Variants in SYT1 observed in about 807,000 individuals in gnomAD.
SYT1 encodes the protein synaptotagmin 1.
A neutral mutation model predicts 44.8 loss-of-function variants in SYT1; 8 were observed. That is an observed-to-expected ratio of 0.18 (90% CI 0.10 to 0.32). The LOEUF (loss-of-function observed/expected upper bound fraction) is 0.32, where lower values mean the gene tolerates loss of function less well. Among genes scored for constraint, SYT1 ranks in the 10% least tolerant of loss-of-function variants. The pLI is 1.00. For synonymous variants in SYT1, 154 were observed against 188.8 expected (o/e 0.82, Z 1.51); for missense variants, 286 against 509.3 (o/e 0.56, Z 4.22).
chr12:78,903,341 A>AG (rs1294619934), intron 1 of SYT1, among the ~76,000 whole-genome samples: 2 of 151,900 alleles, frequency 1.3e-5, no homozygotes, highest in African/African-American at 4.8e-5. Context: ...GCTGGAGCAC[A>AG]GTGGCACGAT....
intron 3 of SYT1, among the ~76,000 whole-genome samples, chr12:79,115,813 T>C (rs889079347): frequency 6.6e-6 from 1 of 152,208 alleles, no homozygotes; most frequent in Non-Finnish European, 1.5e-5. Context: ...CAGCATGCCA[T>C]CCAGGCTCCA....
At chr12:78,904,717 C>T (rs143208048) in intron 1 of SYT1, among the ~76,000 whole-genome samples, 115 of 152,118 alleles carry the variant, frequency 7.6e-4, no homozygotes, top group African/African-American at 2.5e-3. Context: ...ATTATATGAG[C>T]CATAGTCTAT....
intron 3 of SYT1, among the ~76,000 whole-genome samples, chr12:79,086,323 T>G (rs1009348163): frequency 5.9e-5 from 9 of 152,074 alleles, no homozygotes; most frequent in Non-Finnish European, 1.3e-4. Context: ...TTTTTCCTAC[T>G]TTCCTGTCAA....
At chr12:78,965,338 G>A (rs1160087349) in intron 1 of SYT1, among the ~76,000 whole-genome samples, 1 of 152,104 alleles carries the variant, frequency 6.6e-6, no homozygotes, top group Non-Finnish European at 1.5e-5. Context: ...GCTACTATGA[G>A]CATAGAACAA....
chr12:79,285,795 T>C lies in SYT1; in HGVS notation c.175T>C (p.Trp59Arg), dbSNP rs1879281238. The change falls in exon 5 of 11, where the codon TGG (tryptophan) becomes CGG (arginine). Residue 59 changes from tryptophan to arginine, a missense_variant. Trp to Arg is a moderately radical substitution (Grantham distance 101). Coordinates refer to ENST00000261205, the MANE Select transcript of SYT1 (RefSeq NM_005639.3). ...CTGTGTGTTTCTTTCAGTGCCACCG[T>C]GGGCCTTAATTGCAATAGCCATAGT... ...NELHKIPLPP[W>R]ALIAIAIVAV... 1 of 1,604,992 alleles carries C rather than the reference T, an allele frequency of 6.2e-7. No individual in the cohort carries two copies. Among genetic ancestry groups the C allele is most frequent in the Non-Finnish European group, 8.5e-7 (1 of 1,177,598 alleles).
At chr12:78,949,202 T>A (rs922399526) in intron 1 of SYT1, among the ~76,000 whole-genome samples, 1 of 151,450 alleles carries the variant, frequency 6.6e-6, no homozygotes, top group Non-Finnish European at 1.5e-5. Context: ...CAAAAAATAC[T>A]AGAAAAAGTG....
intron 1 of SYT1, among the ~76,000 whole-genome samples, chr12:78,899,239 G>A (rs539046912): frequency 6.6e-6 from 1 of 152,042 alleles, no homozygotes; most frequent in East Asian, 1.9e-4. Flanking sequence ...TTTTAGTGTA[G>A]GGAACTTTGC....
chr12:79,179,456 A>AG (rs10643941), intron 3 of SYT1, among the ~76,000 whole-genome samples: 2 of 86,688 alleles, frequency 2.3e-5, no homozygotes, highest in South Asian at 4.6e-4. Flanking sequence ...ATATAGATAT[A>AG]ATCTATATAG....
At chr12:79,013,603 C>T (rs775450232) in intron 2 of SYT1, among the ~76,000 whole-genome samples, 42 of 152,260 alleles carry the variant, frequency 2.8e-4, no homozygotes, top group Non-Finnish European at 4.9e-4. Context: ...ATATTTCCTG[C>T]GTTTTTTCCT....
chr12:79,365,997 A>G (rs984886469), intron 9 of SYT1, among the ~76,000 whole-genome samples: 1 of 152,208 alleles, frequency 6.6e-6, no homozygotes. Context: ...GTAAAAATAC[A>G]TACCGCTATG....
At chr12:79,322,980 G>A (rs546051213) in intron 8 of SYT1, among the ~76,000 whole-genome samples, 2 of 152,248 alleles carry the variant, frequency 1.3e-5, no homozygotes, top group East Asian at 3.9e-4. Flanking sequence ...CTTGCTTCAA[G>A]GCAAGGGAAT....
At chr12:79,007,655 A>G (rs956845212) in intron 2 of SYT1, among the ~76,000 whole-genome samples, 2 of 152,182 alleles carry the variant, frequency 1.3e-5, no homozygotes, top group Non-Finnish European at 2.9e-5. Context: ...GACAAAAGCT[A>G]GATCATACTT....
At chr12:79,333,033 T>C (rs891035481) in intron 8 of SYT1, among the ~76,000 whole-genome samples, 4 of 152,230 alleles carry the variant, frequency 2.6e-5, no homozygotes, top group Admixed American at 2.6e-4. Flanking sequence ...ACAATTCTCA[T>C]AGCATTCCAT....
chr12:79,198,857 T>C (rs952516277), intron 3 of SYT1, among the ~76,000 whole-genome samples: 1 of 152,222 alleles, frequency 6.6e-6, no homozygotes, highest in Non-Finnish European at 1.5e-5. Context: ...AGTCATTTTC[T>C]TTCAATCTGG....
intron 8 of SYT1, among the ~76,000 whole-genome samples, chr12:79,310,314 A>G (rs1158343333): frequency 1.3e-5 from 2 of 152,114 alleles, no homozygotes; most frequent in African/African-American, 4.8e-5. Context: ...TTTGTCAAAG[A>G]TCAGATAGTT....
chr12:78,863,988 C>T (rs964095851), upstream of SYT1: 4 of 152,198 alleles, frequency 2.6e-5, no homozygotes, highest in African/African-American at 9.7e-5. Context: ...AGCTGCTTCT[C>T]CCGCATCTCG....
chr12:79,143,447 A>T (rs1435797268), intron 3 of SYT1, among the ~76,000 whole-genome samples: 1 of 152,178 alleles, frequency 6.6e-6, no homozygotes, highest in Non-Finnish European at 1.5e-5. Flanking sequence ...AGAAAAAAAG[A>T]TTCAATATTC....
chr12:79,220,589 C>T (rs1256306976), intron 4 of SYT1, among the ~76,000 whole-genome samples: 1 of 151,990 alleles, frequency 6.6e-6, no homozygotes, highest in African/African-American at 2.4e-5. Flanking sequence ...TGCTGTATTG[C>T]ATAGGTTTTG....
intron 1 of SYT1, among the ~76,000 whole-genome samples, chr12:78,903,324 C>T (rs533358869): frequency 7.3e-5 from 11 of 151,622 alleles, no homozygotes; most frequent in South Asian, 4.2e-4. Flanking sequence ...CTCACTGTGT[C>T]GCTCAGGCTG....
Sources: allele counts gnomAD v4.1 joint callset (sites outside exome capture counted in the v4.1 genomes callset), GRCh38; gene constraint gnomAD v4.1.1; transcripts MANE v1.5; gene names NCBI Gene and HGNC (gene_info 2026-07-23, HGNC 2026-07-21).